Variants in ITPRID1 observed in about 807,000 individuals in gnomAD.
ITPRID1 encodes ITPR interacting domain containing 1, also known as protein ITPRID1.
In ITPRID1, 96 loss-of-function variants were observed where a neutral mutation model predicts 95.4. The ratio of observed to expected loss-of-function variants is 1.01; its 90% CI spans 0.85 to 1.19. The LOEUF is 1.19. Among genes scored for constraint, ITPRID1 ranks in the 50% most tolerant of loss-of-function variants. The pLI is 0.00. For synonymous variants in ITPRID1, 510 were observed against 453.6 expected (o/e 1.12, Z -1.58); for missense variants, 1,339 against 1,252.9 (o/e 1.07, Z -1.04).
chr7:31,599,671 TC>T, intron 10 of ITPRID1, among the ~76,000 whole-genome samples: 8 of 142,524 alleles, frequency 5.6e-5, no homozygotes, highest in Admixed American at 4.2e-4. Context: ...TTTCTCTCTC[TC>T]TCTCTCTCTC....
At chr7:31,628,715 G>A (rs555970149) in intron 10 of ITPRID1, among the ~76,000 whole-genome samples, 2 of 151,986 alleles carry the variant, frequency 1.3e-5, no homozygotes, top group South Asian at 4.1e-4. Context: ...CTCGGCCTCC[G>A]AAAGTGCTGG....
chr7:31,651,231 G>T lies in ITPRID1; in HGVS notation c.2673G>T (p.Gln891His), dbSNP rs772374657. The change falls in exon 13 of 15, where the codon CAG becomes CAT. Residue 891 changes from glutamine to histidine, a missense_variant. Physicochemically the swap from Gln to His is conservative, Grantham distance 24. Transcript: ENST00000615280. ...LEEIEQHLMG[Q>H]QALFSRDMSE... Reference sequence around the variant, plus strand: ...AAATTGAACAGCACCTTATGGGACAGCAGGCCCTCTTTTCCAGGGACATGT... The same window carrying T: ...AAATTGAACAGCACCTTATGGGACATCAGGCCCTCTTTTCCAGGGACATGT... 9.9e-6 allele frequency: 16 copies of T among 1,613,514 alleles called. No individual in the cohort carries two copies. The Admixed American group carries it at 2.2e-4, about 22-fold the overall frequency.
chr7:31,583,488 C>T (rs866505806), intron 10 of ITPRID1, among the ~76,000 whole-genome samples: 21 of 151,972 alleles, frequency 1.4e-4, no homozygotes, highest in African/African-American at 4.8e-5. Context: ...AATTAGCTGG[C>T]GCAGTGGTGC....
In ITPRID1 at chr7:31,635,718, G is replaced by A. The variant is rs890359098; in HGVS notation, c.1229-6458G>A. Among the ~76,000 whole-genome samples the A allele has an allele frequency of 3.9e-5, 6 of 151,960 alleles. 1 individual carries two copies. The highest frequency in any genetic ancestry group is 1.4e-4 in the African/African-American group (6 of 41,382). On this transcript the variant is annotated intron_variant, in intron 10 of 14. Coordinates refer to ENST00000615280, the MANE Select transcript of ITPRID1 (RefSeq NM_001257967.3). ...ACTGGGTAATTTATGAAGAAAAGAG[G>A]TTTAAATGAGAACACATGGACACAG...
At chr7:31,576,414 T>C (rs533418179) in intron 8 of ITPRID1, among the ~76,000 whole-genome samples, 2 of 152,348 alleles carry the variant, frequency 1.3e-5, no homozygotes, top group African/African-American at 4.8e-5. Context: ...CCAATTAAAT[T>C]GGTAGGTTTT....
intron 10 of ITPRID1, among the ~76,000 whole-genome samples, chr7:31,612,862 T>G (rs1476909278): frequency 1.3e-5 from 2 of 152,154 alleles, no homozygotes; most frequent in African/African-American, 4.8e-5. Flanking sequence ...TCCACACGAA[T>G]ATGTCAGAGT....
In ITPRID1 at chr7:31,549,680, C is replaced by T. The variant is rs921731839; in HGVS notation, c.-24+181C>T. On this transcript the variant is annotated intron_variant, in intron 2 of 14. Transcript: ENST00000615280. ...GAGTTATCTGACCTGAAAGCACTTG[C>T]TCTTTTAACCAGACAAGAACTAAGA... 1.1e-3 allele frequency among the ~76,000 whole-genome samples: 164 copies of T among 152,248 alleles called. 1 individual carries two copies. Among genetic ancestry groups the T allele is most frequent in the East Asian group, 1.5e-3 (8 of 5,188 alleles).
chr7:31,650,006 A>T (rs530743260), intron 12 of ITPRID1, among the ~76,000 whole-genome samples: 141 of 152,188 alleles, frequency 9.3e-4, no homozygotes, highest in Middle Eastern at 3.4e-3. Flanking sequence ...AATCACAAAG[A>T]ATTGGTCCAT....
At position 31,620,442 on chromosome 7, in the gene ITPRID1, C is replaced by T. The variant is rs570298455; in HGVS notation, c.1229-21734C>T. 5.9e-5 allele frequency among the ~76,000 whole-genome samples: 9 copies of T among 151,782 alleles called. No individual in the cohort carries two copies. The South Asian group carries it at 1.0e-3, about 18-fold the overall frequency. ...AGAGGAACGATCAGACAGCAGCATT[C>T]GAGATTCACGAAAAATACCTGTTCT... On this transcript the variant is annotated intron_variant, in intron 10 of 14. Transcript: ENST00000615280.
intron 10 of ITPRID1, among the ~76,000 whole-genome samples, chr7:31,595,074 T>C (rs1014279299): frequency 1.4e-5 from 2 of 146,868 alleles, no homozygotes; most frequent in Admixed American, 1.4e-4. Context: ...TAATTTCTTT[T>C]TTTTTTTTTT....
chr7:31,622,212 C>G (rs1443382288), intron 10 of ITPRID1, among the ~76,000 whole-genome samples: 1 of 142,904 alleles, frequency 7.0e-6, no homozygotes, highest in Non-Finnish European at 1.5e-5. Context: ...AGAAAGTCAA[C>G]AAGGATACCC....
At position 31,643,080 on chromosome 7, in the gene ITPRID1, A is replaced by G; in HGVS notation, c.1710A>G (p.Val570=). The G allele has an allele frequency of 6.2e-7, 1 of 1,614,020 alleles. No individual in the cohort carries two copies. Among genetic ancestry groups the G allele is most frequent in the Non-Finnish European group, 8.5e-7 (1 of 1,179,884 alleles). The stretch of plus-strand genomic sequence containing the variant: ...ATGATCATCCTCTGGGGTTTATGGT[A>G]ACCCACGTCACAGAAATGCAGGACA... ...SKYDHPLGFM[V]THVTEMQDSF... is the part of the protein sequence containing the mutation. The change falls in exon 12 of 15, where the codon GTA becomes GTG. Residue 570 remains valine, a synonymous_variant. Transcript: ENST00000615280.
At chr7:31,632,285 A>G (rs934842056) in intron 10 of ITPRID1, among the ~76,000 whole-genome samples, 3 of 150,794 alleles carry the variant, frequency 2.0e-5, no homozygotes, top group African/African-American at 4.8e-5. Flanking sequence ...CATCTCTACT[A>G]AAAAAACAAT....
At chr7:31,645,006 T>A (rs942413891) in intron 12 of ITPRID1, among the ~76,000 whole-genome samples, 2 of 152,194 alleles carry the variant, frequency 1.3e-5, no homozygotes, top group African/African-American at 2.4e-5. Flanking sequence ...ATCCATTCCA[T>A]AAATATTTGT....
chr7:31,548,081 C>T (rs1329709119), intron 1 of ITPRID1, among the ~76,000 whole-genome samples: 1 of 151,818 alleles, frequency 6.6e-6, no homozygotes, highest in African/African-American at 2.4e-5. Flanking sequence ...AAATGGTGCC[C>T]AAGCAAAATC....
At chr7:31,531,955 A>G (rs1459870172) in intron 1 of ITPRID1, among the ~76,000 whole-genome samples, 1 of 152,162 alleles carries the variant, frequency 6.6e-6, no homozygotes, top group African/African-American at 2.4e-5. Flanking sequence ...GCTGAAGGTA[A>G]TAGCGTACAA....
intron 1 of ITPRID1, among the ~76,000 whole-genome samples, chr7:31,532,758 T>C (rs1199025589): frequency 1.3e-5 from 2 of 152,192 alleles, no homozygotes; most frequent in Non-Finnish European, 2.9e-5. Flanking sequence ...GATGATGTTT[T>C]AGCAAGCTGG....
intron 10 of ITPRID1, among the ~76,000 whole-genome samples, chr7:31,598,624 C>G (rs1002597776): frequency 6.6e-6 from 1 of 151,776 alleles, no homozygotes; most frequent in Non-Finnish European, 1.5e-5. Context: ...AGGATGGTCT[C>G]TATCTCCTGA....
At chr7:31,522,061 C>G (rs1414544969) in intron 1 of ITPRID1, among the ~76,000 whole-genome samples, 2 of 151,892 alleles carry the variant, frequency 1.3e-5, no homozygotes, top group Non-Finnish European at 2.9e-5. Context: ...TTTTCTTACC[C>G]CAAAATTAGT....
Sources: gnomAD v4.1 joint callset for allele counts (sites outside exome capture counted in the v4.1 genomes callset) on GRCh38, gnomAD v4.1.1 for gene constraint, MANE v1.5 for transcripts, NCBI Gene and HGNC (gene_info 2026-07-23, HGNC 2026-07-21) for gene names.